Variants in CCDC181 observed in about 807,000 individuals in gnomAD.
The protein encoded by CCDC181 is coiled-coil domain containing 181, also known as coiled-coil domain-containing protein 181.
Under a neutral mutation model 58.7 loss-of-function variants are expected in CCDC181, and 35 were observed. The ratio of observed to expected loss-of-function variants is 0.60; its 90% confidence interval spans 0.46 to 0.79. The LOEUF (loss-of-function observed/expected upper bound fraction) is 0.79. Ranked by LOEUF, CCDC181 falls within the 30% of genes least tolerant of loss-of-function variation. The probability of loss-of-function intolerance (pLI) is 0.00; values close to 1 mark genes in which losing one functional copy is unlikely to be tolerated. For synonymous variants in CCDC181, 183 were observed against 197.5 expected (o/e 0.93, Z 0.62); for missense variants, 517 against 583.9 (o/e 0.89, Z 1.18).
At chr1:169,415,896 C>A (rs1168259974) in intron 4 of CCDC181, among the ~76,000 whole-genome samples, 3 of 152,162 alleles carry the variant, frequency 2.0e-5, no homozygotes, top group Non-Finnish European at 4.4e-5. Flanking sequence ...CCTCTGAAAT[C>A]GCTAATTTCC....
chr1:169,441,796 C>T (rs990321364), intron 2 of CCDC181, among the ~76,000 whole-genome samples: 1 of 151,638 alleles, frequency 6.6e-6, no homozygotes, highest in Non-Finnish European at 1.5e-5. Flanking sequence ...GAATTTATGA[C>T]TCATCAAGGA....
At chr1:169,459,118 C>T (rs1657763424) in intron 2 of CCDC181, among the ~76,000 whole-genome samples, 1 of 152,122 alleles carries the variant, frequency 6.6e-6, no homozygotes, top group South Asian at 2.1e-4. Flanking sequence ...CTACCATAAA[C>T]ACATAATGCT....
intron 4 of CCDC181, among the ~76,000 whole-genome samples, chr1:169,415,490 T>G (rs79607461): frequency 0.043 from 6,582 of 152,270 alleles, 188 homozygotes; most frequent in South Asian, 0.1. Context: ...TCCTATCTTA[T>G]GCAAATTCTG....
intron 2 of CCDC181, chr1:169,454,507 G>C (rs1325056527): frequency 6.6e-6 from 1 of 151,884 alleles, no homozygotes; most frequent in African/African-American, 2.4e-5. Flanking sequence ...TACAATGAAG[G>C]GAGGCAATTA....
intron 4 of CCDC181, among the ~76,000 whole-genome samples, chr1:169,415,230 C>T (rs544371673): frequency 7.2e-5 from 11 of 152,322 alleles, no homozygotes; most frequent in Admixed American, 5.9e-4. Context: ...GGCCCATCAT[C>T]GTCCAAGAAG....
chr1:169,427,940 C>T (rs1360398038), upstream of CCDC181, among the ~76,000 whole-genome samples: 1 of 152,124 alleles, frequency 6.6e-6, no homozygotes, highest in African/African-American at 2.4e-5. Context: ...TTCTGCTTAT[C>T]TTTATGTATA....
intron 2 of CCDC181, chr1:169,442,791 A>C (rs1403941658): frequency 6.6e-6 from 1 of 152,072 alleles, no homozygotes; most frequent in Non-Finnish European, 1.5e-5. Context: ...ATACTAAGTC[A>C]TATGATAGAA....
upstream of CCDC181, among the ~76,000 whole-genome samples, chr1:169,431,083 G>A (rs1378014752): frequency 6.6e-6 from 1 of 152,158 alleles, no homozygotes; most frequent in Non-Finnish European, 1.5e-5. Flanking sequence ...GCAAGTTAGG[G>A]TTTTCCTTTC....
intron 2 of CCDC181, among the ~76,000 whole-genome samples, chr1:169,424,075 C>T (rs1216574662): frequency 6.6e-6 from 1 of 151,888 alleles, no homozygotes; most frequent in African/African-American, 2.4e-5. Flanking sequence ...CCTTTTTCTA[C>T]TTATTGACAC....
intron 3 of CCDC181, among the ~76,000 whole-genome samples, chr1:169,421,101 G>C (rs1656432889): frequency 6.6e-6 from 1 of 152,164 alleles, no homozygotes; most frequent in African/African-American, 2.4e-5. Flanking sequence ...CCTTTAAAAT[G>C]AAAGGATCAG....
chr1:169,454,184 GT>G (rs1657624613), intron 2 of CCDC181, among the ~76,000 whole-genome samples: 1 of 151,918 alleles, frequency 6.6e-6, no homozygotes, highest in Non-Finnish European at 1.5e-5. Context: ...AACACTTCAT[GT>G]TTTTAATAAG....
intron 2 of CCDC181, among the ~76,000 whole-genome samples, chr1:169,450,121 T>C (rs1205900820): frequency 1.3e-5 from 2 of 152,170 alleles, no homozygotes; most frequent in African/African-American, 2.4e-5. Context: ...GCTGTGACTT[T>C]TACAAGTGTT....
chr1:169,418,687 G>T, intron 4 of CCDC181: 1 of 326,216 alleles, frequency 3.1e-6, no homozygotes, highest in Non-Finnish European at 5.5e-6. Flanking sequence ...AGTCTTAAGT[G>T]AGACCAGTCT....
intron 2 of CCDC181, chr1:169,454,370 A>G (rs1439009930): frequency 6.6e-6 from 1 of 152,108 alleles, no homozygotes; most frequent in Non-Finnish European, 1.5e-5. Flanking sequence ...TGCCAACTCA[A>G]AAAAGATTTT....
At chr1:169,457,246 ACT>A (rs1657699420) in intron 2 of CCDC181, among the ~76,000 whole-genome samples, 2 of 151,898 alleles carry the variant, frequency 1.3e-5, no homozygotes, top group Admixed American at 1.3e-4. Flanking sequence ...CTTGGGATAC[ACT>A]CTGATTCCTG....
At chr1:169,400,197 C>T (rs1655259899) in intron 4 of CCDC181, among the ~76,000 whole-genome samples, 1 of 152,122 alleles carries the variant, frequency 6.6e-6, no homozygotes, top group African/African-American at 2.4e-5. Context: ...CACTTACAAC[C>T]CTAAAAAGGC....
intron 2 of CCDC181, among the ~76,000 whole-genome samples, chr1:169,423,196 G>A (rs1312064402): frequency 2.0e-5 from 3 of 151,670 alleles, no homozygotes; most frequent in Non-Finnish European, 4.4e-5. Context: ...AGGTCATCCT[G>A]TGTGATAGTG....
At chr1:169,449,865 C>A in intron 2 of CCDC181, among the ~76,000 whole-genome samples, 1 of 152,198 alleles carries the variant, frequency 6.6e-6, no homozygotes, top group East Asian at 1.9e-4. Context: ...CCTTTGGCTG[C>A]AGCCTCACAG....
chr1:169,415,948 T>C (rs1403616104), intron 4 of CCDC181, among the ~76,000 whole-genome samples: 2 of 152,198 alleles, frequency 1.3e-5, no homozygotes, highest in Non-Finnish European at 2.9e-5. Flanking sequence ...CGGATAAATT[T>C]CTCCAACTAA....
Sources: gnomAD v4.1 joint callset for allele counts (sites outside exome capture counted in the v4.1 genomes callset) on GRCh38, gnomAD v4.1.1 for gene constraint, MANE v1.5 for transcripts, NCBI Gene and HGNC (gene_info 2026-07-23, HGNC 2026-07-21) for gene names.